The following NTM variants were observed in gnomAD, a reference collection of about 807,000 sequenced individuals.
NTM encodes neurotrimin, also known as IgLON family member 2.
Under a neutral mutation model 42.1 loss-of-function variants are expected in NTM, and 13 were observed. That is an observed-to-expected ratio of 0.31 (90% CI 0.20 to 0.49). The LOEUF (loss-of-function observed/expected upper bound fraction) is 0.49. Ranked by LOEUF, NTM falls within the 20% of genes least tolerant of loss-of-function variation. NTM has a pLI of 0.99. For missense variants in NTM, 373 were observed against 452.8 expected (o/e 0.82, Z 1.60); for synonymous variants, 187 against 179.2 (o/e 1.04, Z -0.35).
intron 3 of NTM, among the ~76,000 whole-genome samples, chr11:132,196,220 G>A (rs2080186367): frequency 6.6e-6 from 1 of 152,170 alleles, no homozygotes; most frequent in African/African-American, 2.4e-5. Context: ...CTAATTGTTA[G>A]AGAAATGCAA....
chr11:131,649,892 T>G (rs557043790), intron 1 of NTM, among the ~76,000 whole-genome samples: 13 of 152,216 alleles, frequency 8.5e-5, no homozygotes, highest in Non-Finnish European at 1.9e-4. Flanking sequence ...CCTTCCCACC[T>G]TACGATCTAT....
intron 1 of NTM, among the ~76,000 whole-genome samples, chr11:131,525,907 C>A (rs527782537): frequency 6.6e-6 from 1 of 152,256 alleles, no homozygotes; most frequent in South Asian, 2.1e-4. Flanking sequence ...TGCCTGAGAT[C>A]AACAAGTAAA....
At position 132,318,223 on chromosome 11, in the gene NTM, C is replaced by T. The variant is rs894118481; in HGVS notation, c.934+3520C>T. ...TACTGGGGTCCAGGTTAGGGCCTGA[C>T]GTCCAGTAGCTCTTTGGTCTTGGGT... On this transcript the variant is annotated intron_variant, in intron 7 of 8. Transcript: ENST00000683400. Among the ~76,000 whole-genome samples, 73 of 152,182 alleles carry T rather than the reference C, an allele frequency of 4.8e-4. 3 individuals are homozygous for T. The highest frequency in any genetic ancestry group is 4.4e-5 in the Non-Finnish European group (3 of 68,046).
chr11:131,533,361 T>C (rs750782888), intron 1 of NTM, among the ~76,000 whole-genome samples: 14 of 152,314 alleles, frequency 9.2e-5, no homozygotes, highest in Admixed American at 5.9e-4. Context: ...TTTAAGGAAC[T>C]GGGAAAGGGT....
In NTM at chr11:131,398,775, G is replaced by A. The variant is rs539705627; in HGVS notation, c.82+27887G>A. On this transcript the variant is annotated intron_variant, in intron 1 of 8. Coordinates refer to ENST00000683400, the MANE Select transcript of NTM (RefSeq NM_001352005.2). ...GGAAACTGAGGCATGGAAAAACAAA[G>A]TGATCCCAGACCCCGCATCCAGTTA... Among the ~76,000 whole-genome samples the A allele has an allele frequency of 2.6e-5, 4 of 152,292 alleles. No individual in the cohort carries two copies. The South Asian group carries it at 8.3e-4, about 32-fold the overall frequency.
chr11:131,597,866 CA>C (rs34650268), intron 1 of NTM, among the ~76,000 whole-genome samples: 57,207 of 152,118 alleles, frequency 0.38, 14,012 homozygotes, highest in African/African-American at 0.7. Flanking sequence ...CAGAAGAATT[CA>C]ACAGAGTCCT....
chr11:132,121,864 T>C (rs761640926), intron 2 of NTM, among the ~76,000 whole-genome samples: 1 of 152,236 alleles, frequency 6.6e-6, no homozygotes. Context: ...GCCTGGTAAA[T>C]ATACTTCTTT....
chr11:131,728,515 G>C (rs79532683), intron 1 of NTM, among the ~76,000 whole-genome samples: 141 of 152,298 alleles, frequency 9.3e-4, no homozygotes, highest in Non-Finnish European at 1.7e-3. Context: ...ATATCCAGAA[G>C]CTCTTTGAAC....
rs1323386689 is a variant in NTM, at chr11:132,146,203, G to C, written c.168-79G>C. On this transcript the variant is annotated intron_variant, in intron 2 of 8. Coordinates refer to ENST00000683400, the MANE Select transcript of NTM (RefSeq NM_001352005.2). This position sits in a 1 kb window ranked among gnomAD's most constrained non-coding sequence, Gnocchi z 4.5. The stretch of plus-strand genomic sequence containing the variant: ...GAAGGGAGAAAGACAAGATATTCTA[G>C]CCTTGCCATGAGGACCTCCCTCTGA... 4 of 1,562,242 alleles carry C rather than the reference G, an allele frequency of 2.6e-6. No homozygotes were observed. The highest frequency in any genetic ancestry group is 2.7e-5 in the African/African-American group (2 of 73,990).
chr11:132,074,928 G>A (rs182503928), intron 2 of NTM, among the ~76,000 whole-genome samples: 2 of 152,286 alleles, frequency 1.3e-5, no homozygotes, highest in Admixed American at 6.5e-5. Context: ...ATCACCATAA[G>A]TTGTATGTAT....
chr11:132,018,691 CTTA>C (rs1391134405), intron 2 of NTM, among the ~76,000 whole-genome samples: 1 of 151,668 alleles, frequency 6.6e-6, no homozygotes, highest in African/African-American at 2.4e-5. Flanking sequence ...ATTTTTATTC[CTTA>C]TGTTTTTGGG....
At chr11:132,156,324 G>A (rs552720211) in intron 3 of NTM, among the ~76,000 whole-genome samples, 11 of 152,230 alleles carry the variant, frequency 7.2e-5, no homozygotes, top group East Asian at 5.8e-4. Flanking sequence ...CCCTTTGAAC[G>A]TTCCCTTCCC....
intron 2 of NTM, among the ~76,000 whole-genome samples, chr11:132,115,266 T>C (rs2063729601): frequency 6.6e-6 from 1 of 152,048 alleles, no homozygotes; most frequent in Non-Finnish European, 1.5e-5. Context: ...ATAGTATACT[T>C]GAAGTATATT....
intron 1 of NTM, among the ~76,000 whole-genome samples, chr11:131,905,664 A>G (rs1361191891): frequency 6.6e-6 from 1 of 151,834 alleles, no homozygotes; most frequent in Non-Finnish European, 1.5e-5. Flanking sequence ...TCACAGTTGT[A>G]TCCACTATTT....
intron 1 of NTM, among the ~76,000 whole-genome samples, chr11:131,616,807 G>GTGTGTT (rs1555166362): frequency 6.6e-6 from 1 of 151,622 alleles, no homozygotes; most frequent in Non-Finnish European, 1.5e-5. Context: ...GTGTGTGTGT[G>GTGTGTT]TGTGTTGTTT....
intron 2 of NTM, among the ~76,000 whole-genome samples, chr11:132,120,045 C>T (rs977315878): frequency 5.9e-5 from 9 of 152,150 alleles, no homozygotes; most frequent in African/African-American, 1.9e-4. Context: ...CTCTATTGCA[C>T]GCGAATCAGG....
At chr11:132,026,013 G>A (rs748582634) in intron 2 of NTM, among the ~76,000 whole-genome samples, 5 of 152,130 alleles carry the variant, frequency 3.3e-5, no homozygotes, top group Non-Finnish European at 5.9e-5. Flanking sequence ...ATTTCTCTGT[G>A]TCGTGTGTCT....
At chr11:131,958,776 T>C (rs1174110798) in intron 2 of NTM, among the ~76,000 whole-genome samples, 1 of 152,228 alleles carries the variant, frequency 6.6e-6, no homozygotes, top group Non-Finnish European at 1.5e-5. Context: ...ATGCTGATTC[T>C]GTACTACTCT....
intron 1 of NTM, among the ~76,000 whole-genome samples, chr11:131,654,277 T>A (rs909634696): frequency 1.1e-4 from 16 of 152,136 alleles, no homozygotes; most frequent in African/African-American, 3.9e-4. Context: ...GGCGCAGCCC[T>A]AGAATGTCAA....
Sources: gnomAD v4.1 joint callset for allele counts (sites outside exome capture counted in the v4.1 genomes callset) on GRCh38, gnomAD v4.1.1 for gene constraint, Gnocchi (gnomAD v3.1) non-coding constraint, MANE v1.5 for transcripts, NCBI Gene and HGNC (gene_info 2026-07-23, HGNC 2026-07-21) for gene names.